CHST11: variants seen among roughly 807,000 people sequenced by gnomAD.
CHST11 encodes carbohydrate sulfotransferase 11.
In CHST11, 9 loss-of-function variants were observed where a neutral mutation model predicts 30.4. The ratio of observed to expected loss-of-function variants is 0.30; its 90% CI spans 0.18 to 0.52. The LOEUF (loss-of-function observed/expected upper bound fraction) is 0.52, where lower values mean the gene tolerates loss of function less well. Among genes scored for constraint, CHST11 ranks in the 20% least tolerant of loss-of-function variants. The pLI is 0.97. For missense variants in CHST11, 348 were observed against 460.6 expected (o/e 0.76, Z 2.24); for synonymous variants, 152 against 187.8 (o/e 0.81, Z 1.56).
At chr12:104,712,085 GAA>G (rs2136121114) in intron 2 of CHST11, among the ~76,000 whole-genome samples, 1 of 152,306 alleles carries the variant, frequency 6.6e-6, no homozygotes, top group Admixed American at 6.5e-5. Flanking sequence ...GGTTAGGATG[GAA>G]AAGTCAAGCT....
intron 2 of CHST11, among the ~76,000 whole-genome samples, chr12:104,748,253 C>A (rs2040403792): frequency 6.6e-6 from 1 of 152,156 alleles, no homozygotes; most frequent in Admixed American, 6.5e-5. Flanking sequence ...TGGTGAAAGA[C>A]ATTAGATTAC....
At chr12:104,525,111 T>C (rs1214820672) in intron 1 of CHST11, among the ~76,000 whole-genome samples, 3 of 151,364 alleles carry the variant, frequency 2.0e-5, no homozygotes, top group Non-Finnish European at 4.4e-5. Context: ...TCTTTCTTTT[T>C]TTTTTTTTTT....
At chr12:104,510,729 G>A (rs182453269) in intron 1 of CHST11, among the ~76,000 whole-genome samples, 154 of 152,270 alleles carry the variant, frequency 1.0e-3, no homozygotes, top group African/African-American at 3.2e-3. Context: ...CCCTTTGTTC[G>A]GATTGAGATG....
chr12:104,599,240 G>T (rs1321634362), intron 1 of CHST11, among the ~76,000 whole-genome samples: 1 of 152,158 alleles, frequency 6.6e-6, no homozygotes, highest in East Asian at 1.9e-4. Context: ...AGAACCCAAG[G>T]TTCAGGCCCC....
At chr12:104,482,025 T>TA (rs1422825665) in intron 1 of CHST11, among the ~76,000 whole-genome samples, 4 of 151,848 alleles carry the variant, frequency 2.6e-5, no homozygotes, top group South Asian at 2.1e-4. Flanking sequence ...TATATATATA[T>TA]TTTTTAGTAG....
In CHST11 at chr12:104,458,533, G is replaced by A. The variant is rs941645585; in HGVS notation, c.118+1004G>A. On this transcript the variant is annotated intron_variant, in intron 1 of 2. Transcript: ENST00000303694. The surrounding 1 kb of genome is among the most constrained non-coding windows in gnomAD (Gnocchi z 5.7). ...AGGGGCGCCCTCGAGCGCGGCGGCC[G>A]GGGGTGAGCAGCTCGGCTGCGAAGC... is the stretch of plus-strand genomic sequence containing the variant. 6.6e-6 allele frequency among the ~76,000 whole-genome samples: 1 copy of A among 152,210 alleles called. No individual in the cohort carries two copies. The highest frequency in any genetic ancestry group is 2.4e-5 in the African/African-American group (1 of 41,458).
chr12:104,564,901 C>T (rs756836589), intron 1 of CHST11, among the ~76,000 whole-genome samples: 22 of 152,020 alleles, frequency 1.4e-4, no homozygotes, highest in African/African-American at 5.3e-4. Context: ...GGGGAACTGC[C>T]CTTTATGAAA....
At chr12:104,672,949 C>G (rs2039709339) in intron 2 of CHST11, among the ~76,000 whole-genome samples, 1 of 152,190 alleles carries the variant, frequency 6.6e-6, no homozygotes, top group African/African-American at 2.4e-5. Context: ...CTTAAAACAA[C>G]AGAAATGTAT....
chr12:104,521,630 G>T (rs902293952), intron 1 of CHST11, among the ~76,000 whole-genome samples: 1 of 152,136 alleles, frequency 6.6e-6, no homozygotes, highest in Non-Finnish European at 1.5e-5. Flanking sequence ...AACACATCCT[G>T]GGAAGAAATG....
intron 1 of CHST11, among the ~76,000 whole-genome samples, chr12:104,574,836 AC>A (rs2038665746): frequency 6.6e-6 from 1 of 151,512 alleles, no homozygotes; most frequent in South Asian, 2.1e-4. Flanking sequence ...GTGCACATGT[AC>A]CCTAAAACTT....
intron 1 of CHST11, among the ~76,000 whole-genome samples, chr12:104,480,460 C>A (rs1263426600): frequency 1.3e-5 from 2 of 151,702 alleles, no homozygotes; most frequent in Non-Finnish European, 2.9e-5. Context: ...TGCCTGTAAT[C>A]CCAGCTACTC....
intron 2 of CHST11, among the ~76,000 whole-genome samples, chr12:104,610,047 G>GTGTA (rs2039044265): frequency 1.9e-4 from 1 of 5,256 alleles, no homozygotes; most frequent in African/African-American, 5.8e-4. Flanking sequence ...GTGCCTCTGT[G>GTGTA]TGTGTGTGTG....
intron 2 of CHST11, among the ~76,000 whole-genome samples, chr12:104,612,022 T>C (rs1423427175): frequency 6.6e-6 from 1 of 152,216 alleles, no homozygotes; most frequent in Non-Finnish European, 1.5e-5. Context: ...CACTCAGCCC[T>C]GTTTCTCAAT....
intron 1 of CHST11, among the ~76,000 whole-genome samples, chr12:104,545,245 A>G (rs1019005593): frequency 6.6e-6 from 1 of 152,226 alleles, no homozygotes; most frequent in Non-Finnish European, 1.5e-5. Context: ...CCATCAGGGA[A>G]TGGCCCGTTT....
In CHST11 at chr12:104,468,434, C is replaced by T. The variant is rs78711260; in HGVS notation, c.118+10905C>T. On this transcript the variant is annotated intron_variant, in intron 1 of 2. Coordinates refer to ENST00000303694, the MANE Select transcript of CHST11 (RefSeq NM_018413.6). ...AGAGCATTATCACTTGTCTAAGGTC[C>T]CCAGGAGAGGAATGGATGGAATAAA... Among the ~76,000 whole-genome samples the T allele has an allele frequency of 1.8e-3, 273 of 152,170 alleles. 5 individuals are homozygous for T. In the East Asian group the frequency reaches 0.041, roughly 23 times the overall value.
intron 1 of CHST11, among the ~76,000 whole-genome samples, chr12:104,539,091 G>C (rs568146184): frequency 2.6e-5 from 4 of 152,324 alleles, no homozygotes; most frequent in African/African-American, 9.6e-5. Context: ...ATAGGATTTT[G>C]AAAGCAAAAA....
intron 1 of CHST11, among the ~76,000 whole-genome samples, chr12:104,500,241 T>C (rs2037839914): frequency 6.6e-6 from 1 of 152,232 alleles, no homozygotes; most frequent in Non-Finnish European, 1.5e-5. Flanking sequence ...GCTCTCATTT[T>C]ATTTTCGTAA....
chr12:104,670,765 C>G (rs2136095218), intron 2 of CHST11, among the ~76,000 whole-genome samples: 1 of 147,782 alleles, frequency 6.8e-6, no homozygotes, highest in African/African-American at 2.6e-5. Context: ...CATACACAAA[C>G]CAATACACAC....
chr12:104,554,883 T>C (rs2038440137), intron 1 of CHST11, among the ~76,000 whole-genome samples: 1 of 152,268 alleles, frequency 6.6e-6, no homozygotes, highest in Non-Finnish European at 1.5e-5. Context: ...ACCAGTGATA[T>C]TGCTTTCCCC....
Sources: allele counts gnomAD v4.1 joint callset (sites outside exome capture counted in the v4.1 genomes callset), GRCh38; gene constraint gnomAD v4.1.1; non-coding constraint Gnocchi (gnomAD v3.1); transcripts MANE v1.5; gene names NCBI Gene and HGNC (gene_info 2026-07-23, HGNC 2026-07-21).